MCM3AP: variants seen among roughly 807,000 people sequenced by gnomAD.
The protein encoded by MCM3AP is minichromosome maintenance complex component 3 associated protein.
In MCM3AP, 126 loss-of-function variants were observed where a neutral mutation model predicts 184.1. The observed-to-expected ratio is 0.68, with a 90% CI of 0.59 to 0.79. The LOEUF (loss-of-function observed/expected upper bound fraction) is 0.79. Among genes scored for constraint, MCM3AP ranks in the 30% least tolerant of loss-of-function variants. The pLI, the probability that MCM3AP is intolerant of heterozygous loss-of-function variation, is 0.00. For missense variants in MCM3AP, 2,496 were observed against 2,479.2 expected (o/e 1.01, Z -0.14); for synonymous variants, 1,002 against 979.3 (o/e 1.02, Z -0.43).
chr21:46,246,511 CAG>C (rs1402561590), intron 21 of MCM3AP, 107 bp from the exon 22 acceptor site: 1 of 1,463,184 alleles, frequency 6.8e-7, no homozygotes, highest in African/African-American at 1.4e-5. Context: ...ACAGTCACCA[CAG>C]GGGTTGCTGT....
In MCM3AP at chr21:46,244,951, A is replaced by G; in HGVS notation, c.4894T>C (p.Ser1632Pro). The G allele has an allele frequency of 6.2e-7, 1 of 1,614,226 alleles. No individual in the cohort carries two copies. The highest frequency in any genetic ancestry group is 8.5e-7 in the Non-Finnish European group (1 of 1,180,040). ...TCAGCAAACTCAGTGACAGGCCAGGACAGGTCACACAGCTGTTCAGAGGAC... is the reference window on the plus strand; with the variant it reads ...TCAGCAAACTCAGTGACAGGCCAGGGCAGGTCACACAGCTGTTCAGAGGAC... ...VVSSEQLCDL[S>P]WPVTEFAEAG... Residue 1632 changes from serine (S) to proline (P), a missense_variant, in exon 23 of 28, where the codon TCC (serine) becomes CCC (proline). Ser to Pro is a moderately conservative substitution (Grantham distance 74, BLOSUM62 -1). Transcript: ENST00000291688.
At chr21:46,265,801 C>T in intron 11 of MCM3AP, 124 bp downstream of exon 11, 1 of 1,258,136 alleles carries the variant, frequency 7.9e-7, no homozygotes, top group Middle Eastern at 2.0e-4. Flanking sequence ...GGCCCCAAGA[C>T]AAGACAGGTG....
intron 13 of MCM3AP, 46 bp from the exon 14 acceptor site, chr21:46,261,457 G>A (rs774806752): frequency 2.5e-5 from 40 of 1,594,984 alleles, no homozygotes; most frequent in African/African-American, 6.7e-5. Flanking sequence ...AGTCAAGGCC[G>A]GGTGCGGTGG....
intron 4 of MCM3AP, 92 bp downstream of exon 4, chr21:46,279,901 C>T: frequency 7.6e-7 from 1 of 1,324,274 alleles, no homozygotes; most frequent in East Asian, 2.5e-5. Context: ...CCTCACCACT[C>T]CCCACAGTCT....
chr21:46,250,562 G>A (rs901018742), intron 20 of MCM3AP: 1 of 152,276 alleles, frequency 6.6e-6, no homozygotes, highest in African/African-American at 2.4e-5. Flanking sequence ...CTGCCATGCT[G>A]TCAGCTGGGG....
At chr21:46,239,166 G>C (rs548802038) in intron 26 of MCM3AP, among the ~76,000 whole-genome samples, 2 of 152,322 alleles carry the variant, frequency 1.3e-5, no homozygotes, top group East Asian at 3.9e-4. Flanking sequence ...AAGGAGCGGA[G>C]GTCAGAGAGG....
rs1232753938 is a variant in MCM3AP, at chr21:46,284,940, G to A, written c.347C>T (p.Thr116Ile). 1 of 1,614,120 alleles carries A rather than the reference G, an allele frequency of 6.2e-7. No individual in the cohort carries two copies. Among genetic ancestry groups the A allele is most frequent in the African/African-American group, 1.3e-5 (1 of 75,042 alleles). Reference sequence around the variant, plus strand: ...AGTGCTTGGGAAAGCCCCAACACTGGTGGGTGATTTAAAACTAAATCCTGT... The same window carrying A: ...AGTGCTTGGGAAAGCCCCAACACTGATGGGTGATTTAAAACTAAATCCTGT... The part of the protein sequence containing the change: ...GNTGFSFKSP[T>I]SVGAFPSTSA... The change falls in exon 1 of 28, where the codon ACC becomes ATC. Residue 116 changes from threonine to isoleucine, a missense_variant. Physicochemically the swap from Thr to Ile is moderately conservative, Grantham distance 89 (BLOSUM62 -1). This residue lies in a region of MCM3AP where 800 missense variants were observed against 717.1 expected (regional missense o/e 1.12). Coordinates refer to ENST00000291688, the MANE Select transcript of MCM3AP (RefSeq NM_003906.5).
intron 12 of MCM3AP, 152 bp downstream of exon 12, chr21:46,265,169 C>T (rs890729849): frequency 3.0e-6 from 2 of 657,248 alleles, no homozygotes; most frequent in African/African-American, 3.6e-5. Context: ...ATAGGTGGGC[C>T]CTACCTGAGG....
chr21:46,273,656 T>A, intron 6 of MCM3AP, 71 bp from the exon 7 acceptor site: 1 of 1,209,166 alleles, frequency 8.3e-7, no homozygotes, highest in Non-Finnish European at 1.2e-6. Flanking sequence ...TGCCTGAAAA[T>A]GAGGGGGAAA....
intron 12 of MCM3AP, 102 bp from the exon 13 acceptor site, chr21:46,264,319 A>C: frequency 2.9e-6 from 2 of 696,222 alleles, no homozygotes; most frequent in South Asian, 3.6e-5. Flanking sequence ...CTCGTGACAG[A>C]AGCACAACCC....
Position 46,272,605 on chromosome 21 carries a change from C to T in MCM3AP, c.2421G>A (p.Gln807=). ...GVFCASEAEF[Q]GYNVLLSLNK... is the part of the protein sequence containing the mutation. ...TGAGACTGAGCAGAACATTGTAGCC[C>T]TGGAACTCCGCTTCGCTGGCACAGA... The change falls in exon 8 of 28, where the codon CAG becomes CAA. Residue 807 remains glutamine, a synonymous_variant. Transcript: ENST00000291688. 6.2e-7 allele frequency: 1 copy of T among 1,614,220 alleles called. No homozygotes were observed. The highest frequency in any genetic ancestry group is 8.5e-7 in the Non-Finnish European group (1 of 1,180,040).
chr21:46,272,517 C>A, intron 8 of MCM3AP, 44 bp downstream of exon 8: 1 of 1,584,498 alleles, frequency 6.3e-7, no homozygotes, highest in Non-Finnish European at 8.6e-7. Flanking sequence ...TTAAAGCCTG[C>A]CTTTTCAGCC....
intron 5 of MCM3AP, among the ~76,000 whole-genome samples, chr21:46,276,325 G>GT (rs1213664859): frequency 1.7e-4 from 25 of 151,344 alleles, no homozygotes; most frequent in Non-Finnish European, 2.9e-5. Flanking sequence ...AAAAATCACT[G>GT]TATCAATGAT....
At chr21:46,252,388 A>T (rs1229472487) in intron 19 of MCM3AP, 1 of 152,212 alleles carries the variant, frequency 6.6e-6, no homozygotes, top group Non-Finnish European at 1.5e-5. Context: ...GAAGACAGCT[A>T]TTTTAAGAAA....
chr21:46,283,513 T>A, intron 2 of MCM3AP, 102 bp downstream of exon 2: 1 of 710,436 alleles, frequency 1.4e-6, no homozygotes, highest in Non-Finnish European at 2.4e-6. Flanking sequence ...ACTTTCTCTA[T>A]ATTATAGTAA....
chr21:46,256,485 C>G, intron 17 of MCM3AP: 2 of 410,640 alleles, frequency 4.9e-6, no homozygotes, highest in Non-Finnish European at 8.9e-6. Flanking sequence ...GTGGCAGGTA[C>G]TTAAACTGGG....
At chr21:46,264,033 C>G (rs190663864) in intron 13 of MCM3AP, 84 bp downstream of exon 13, 104 of 882,492 alleles carry the variant, frequency 1.2e-4, no homozygotes, top group East Asian at 2.8e-4. Context: ...AAAACGCAGG[C>G]AACTTTATGA....
At chr21:46,235,556 A>C in intron 27 of MCM3AP, 130 bp from the exon 28 acceptor site, 1 of 725,700 alleles carries the variant, frequency 1.4e-6, no homozygotes, top group Non-Finnish European at 2.3e-6. Flanking sequence ...ACAGAGGGAA[A>C]AAAATTATCC....
rs937560758 is a variant in MCM3AP, at chr21:46,284,483, T to G, written c.804A>C (p.Ala268=). 7.4e-6 allele frequency: 12 copies of G among 1,614,210 alleles called. No individual in the cohort carries two copies. Among genetic ancestry groups the G allele is most frequent in the Non-Finnish European group, 1.0e-5 (12 of 1,180,032 alleles). Reference sequence around the variant, plus strand: ...CTTCTTCACACCCCTGCCTGACACCTGCTTTGCTAGCCTGGAAAGGTTCGC... The same window carrying G: ...CTTCTTCACACCCCTGCCTGACACCGGCTTTGCTAGCCTGGAAAGGTTCGC... The part of the protein sequence containing the change: ...VLGEPFQASK[A]GVRQGCEEAV... The change falls in exon 1 of 28, where the codon GCA becomes GCC. Residue 268 remains alanine, a synonymous_variant. Coordinates refer to ENST00000291688, the MANE Select transcript of MCM3AP (RefSeq NM_003906.5).
Sources: gnomAD v4.1 joint callset for allele counts (sites outside exome capture counted in the v4.1 genomes callset) on GRCh38, gnomAD v4.1.1 for gene constraint, gnomAD v4.1.1 regional missense constraint, MANE v1.5 for transcripts, NCBI Gene and HGNC (gene_info 2026-07-23, HGNC 2026-07-21) for gene names.